CENATAC: variants seen among roughly 807,000 people sequenced by gnomAD.
The protein encoded by CENATAC is centrosomal AT-AC splicing factor.
Under a neutral mutation model 53.7 loss-of-function variants are expected in CENATAC, and 53 were observed. The ratio of observed to expected loss-of-function variants is 0.99; its 90% CI spans 0.79 to 1.24. The LOEUF is 1.24. Among genes scored for constraint, CENATAC ranks in the 50% most tolerant of loss-of-function variants. The pLI, the probability that CENATAC is intolerant of heterozygous loss-of-function variation, is 0.00. For missense variants in CENATAC, 474 were observed against 417.8 expected (o/e 1.13, Z -1.17); for synonymous variants, 156 against 144.6 (o/e 1.08, Z -0.57).
intron 3 of CENATAC, among the ~76,000 whole-genome samples, chr11:119,008,415 G>T (rs1309156889): frequency 6.6e-6 from 1 of 152,212 alleles, no homozygotes; most frequent in East Asian, 1.9e-4. Context: ...AAAGTACTAT[G>T]CCTGGACGTG....
At chr11:119,010,562 G>T (rs1313044767) in intron 3 of CENATAC, 2 of 544,398 alleles carry the variant, frequency 3.7e-6, no homozygotes, top group Non-Finnish European at 6.6e-6. Flanking sequence ...TGGCAAAAAG[G>T]ACGTGTGTCT....
At chr11:119,012,577 A>C (rs782354182) in intron 7 of CENATAC, 8 of 240,802 alleles carry the variant, frequency 3.3e-5, no homozygotes, top group Non-Finnish European at 4.9e-5. Context: ...CACTAGATGC[A>C]GATCCTTTCC....
chr11:119,013,319 T>TG (rs1437540159), intron 8 of CENATAC, 57 bp downstream of exon 8: 2 of 1,334,426 alleles, frequency 1.5e-6, no homozygotes, highest in Non-Finnish European at 2.1e-6. Flanking sequence ...TTTTTTGAGA[T>TG]GGAGTCTTGT....
chr11:119,013,001 T>A, intron 7 of CENATAC: 1 of 448,204 alleles, frequency 2.2e-6, no homozygotes, highest in Non-Finnish European at 4.0e-6. Flanking sequence ...ATAGCCACTC[T>A]ACTTACAGAC....
intron 8 of CENATAC, among the ~76,000 whole-genome samples, chr11:119,013,668 T>A (rs1942987194): frequency 6.6e-6 from 1 of 152,012 alleles, no homozygotes; most frequent in Non-Finnish European, 1.5e-5. Flanking sequence ...TTTCACCGTT[T>A]TAGCCGGGAT....
chr11:119,007,782 C>A (rs1179037305), intron 3 of CENATAC, among the ~76,000 whole-genome samples: 1 of 152,186 alleles, frequency 6.6e-6, no homozygotes, highest in Non-Finnish European at 1.5e-5. Flanking sequence ...CCACTGTGCC[C>A]AGCCTAATTT....
Position 119,002,911 on chromosome 11 carries a change from G to A in CENATAC, c.383+3802G>A, listed in dbSNP as rs1056778826. The A allele has an allele frequency of 1.4e-5, 5 of 354,636 alleles. No homozygotes were observed. The Admixed American group carries it at 1.8e-4, about 13-fold the overall frequency. 22.0% of individuals were successfully genotyped at this position (354,636 alleles called of 1,614,324 possible). A position where few individuals can be genotyped will look rare whatever the true frequency, so the allele number is the denominator to read the frequency against. On this transcript the variant is annotated intron_variant, in intron 3 of 10. Coordinates refer to ENST00000334418, the MANE Select transcript of CENATAC (RefSeq NM_198489.3). The stretch of plus-strand genomic sequence containing the variant: ...AGCAATTCTCCTGCCTCAGCCTCCT[G>A]AGTAGCTGGTATTACAGGCATGCGC...
chr11:119,002,585 G>A (rs1200412803), intron 3 of CENATAC, among the ~76,000 whole-genome samples: 1 of 151,746 alleles, frequency 6.6e-6, no homozygotes, highest in Non-Finnish European at 1.5e-5. Flanking sequence ...TGATCCACCT[G>A]ACTCGGCTTC....
intron 3 of CENATAC, chr11:119,003,611 A>G (rs771500670): frequency 1.2e-3 from 160 of 129,230 alleles, no homozygotes; most frequent in Admixed American, 1.8e-3. Flanking sequence ...AATTAGAAAT[A>G]TTTCTCTCTC....
At chr11:119,006,836 C>T (rs1414023527) in intron 3 of CENATAC, among the ~76,000 whole-genome samples, 4 of 152,222 alleles carry the variant, frequency 2.6e-5, no homozygotes, top group Admixed American at 2.6e-4. Flanking sequence ...CCATGCTGTT[C>T]TCATGGTAAT....
chr11:118,998,578 T>C lies in CENATAC; in HGVS notation c.269T>C (p.Leu90Pro), dbSNP rs1942130305. The C allele has an allele frequency of 6.4e-7, 1 of 1,565,462 alleles. No individual in the cohort carries two copies. Among genetic ancestry groups the C allele is most frequent in the Non-Finnish European group, 8.7e-7 (1 of 1,154,336 alleles). ...GNLTVLYGGL[L>P]EHLASPEHKK... is the part of the protein sequence containing the mutation. ...CTGACGGTGCTGTACGGGGGGCTGCTGGAGCATCTGGCCAGGTGAGAGCCG... is the reference window on the plus strand; with the variant it reads ...CTGACGGTGCTGTACGGGGGGCTGCCGGAGCATCTGGCCAGGTGAGAGCCG... The change falls in exon 2 of 11, where the codon CTG becomes CCG. Residue 90 changes from leucine (L) to proline (P), a missense_variant. By Grantham distance (98) the Leu-to-Pro change is moderately conservative. Transcript: ENST00000334418.
intron 3 of CENATAC, among the ~76,000 whole-genome samples, chr11:119,002,472 G>T (rs1162243224): frequency 6.6e-6 from 1 of 151,412 alleles, no homozygotes; most frequent in Non-Finnish European, 1.5e-5. Flanking sequence ...CAGAGTAGGT[G>T]GAATTACAGG....
chr11:119,011,382 T>TC, intron 5 of CENATAC, 99 bp downstream of exon 5: 3 of 1,117,088 alleles, frequency 2.7e-6, no homozygotes, highest in Non-Finnish European at 1.3e-6. Context: ...TTCTTCTTCT[T>TC]TTTTTTTTGG....
chr11:119,005,466 CAA>C (rs570460310), intron 3 of CENATAC, among the ~76,000 whole-genome samples: 3 of 134,458 alleles, frequency 2.2e-5, no homozygotes, highest in African/African-American at 5.4e-5. Flanking sequence ...GACCCCGTCT[CAA>C]AAAAAAAAAA....
At chr11:119,014,829 G>A (rs1013989937) in intron 8 of CENATAC, 165 bp from the exon 9 acceptor site, 12 of 512,636 alleles carry the variant, frequency 2.3e-5, no homozygotes, top group Admixed American at 1.8e-4. Context: ...TATGGGGTAT[G>A]TCGCTTTAAA....
intron 3 of CENATAC, among the ~76,000 whole-genome samples, chr11:119,000,246 G>A (rs781850389): frequency 6.6e-6 from 1 of 151,974 alleles, no homozygotes; most frequent in African/African-American, 2.4e-5. Context: ...CCTTCCTTTC[G>A]CTTTAAGTTG....
chr11:119,001,954 TG>T (rs991490265), intron 3 of CENATAC: 2 of 226,278 alleles, frequency 8.8e-6, no homozygotes, highest in Non-Finnish European at 1.9e-5. Context: ...CCATGCTCAG[TG>T]GCTGACACCT....
At chr11:118,999,423 C>T (rs960121406) in intron 3 of CENATAC, 3 of 239,110 alleles carry the variant, frequency 1.3e-5, no homozygotes, top group Non-Finnish European at 2.5e-5. Context: ...TGCTGCTCAG[C>T]CAGTACCTAC....
At chr11:119,013,013 TCTCCACTGTTATGA>T in intron 7 of CENATAC, 1 of 469,930 alleles carries the variant, frequency 2.1e-6, no homozygotes, top group Non-Finnish European at 3.8e-6. Context: ...CTTACAGACA[TCTCCACTGTTATGA>T]CTGTGAGCTT....
Sources: allele counts gnomAD v4.1 joint callset (sites outside exome capture counted in the v4.1 genomes callset), GRCh38; gene constraint gnomAD v4.1.1; transcripts MANE v1.5; gene names NCBI Gene and HGNC (gene_info 2026-07-23, HGNC 2026-07-21).